Variants in RPH3A observed in about 807,000 individuals in gnomAD.
RPH3A encodes the protein rabphilin-3A.
Under a neutral mutation model 102.2 loss-of-function variants are expected in RPH3A, and 48 were observed. That is an observed-to-expected ratio of 0.47 (90% CI 0.37 to 0.60). RPH3A has a LOEUF of 0.60. RPH3A is among the 20% of genes least tolerant of loss of function. The pLI, the probability that RPH3A is intolerant of heterozygous loss-of-function variation, is 0.00. For synonymous variants in RPH3A, 310 were observed against 324.3 expected (o/e 0.96, Z 0.47); for missense variants, 781 against 910.1 (o/e 0.86, Z 1.83).
chr12:112,752,868 C>G (rs1056968050), intron 1 of RPH3A, among the ~76,000 whole-genome samples: 1 of 151,758 alleles, frequency 6.6e-6, no homozygotes, highest in Non-Finnish European at 1.5e-5. Context: ...CTCATCTCTC[C>G]CATTCTCTTA....
At chr12:112,886,066 G>A (rs2042998088) in intron 16 of RPH3A, among the ~76,000 whole-genome samples, 1 of 152,202 alleles carries the variant, frequency 6.6e-6, no homozygotes, top group African/African-American at 2.4e-5. Context: ...TCCAGTGTTA[G>A]ACAGTGCAGG....
At chr12:112,796,919 G>A (rs1438247532) in intron 2 of RPH3A, among the ~76,000 whole-genome samples, 1 of 152,120 alleles carries the variant, frequency 6.6e-6, no homozygotes, top group Non-Finnish European at 1.5e-5. Flanking sequence ...GTGTGGTGGT[G>A]TGTGCCTGCA....
intron 18 of RPH3A, among the ~76,000 whole-genome samples, chr12:112,890,402 G>A (rs1383292468): frequency 6.6e-6 from 1 of 152,210 alleles, no homozygotes; most frequent in Non-Finnish European, 1.5e-5. Context: ...TTTGAGCTGT[G>A]TGCATGGCAG....
In RPH3A at chr12:112,879,111, C is replaced by A; in HGVS notation, c.1172-8C>A. On this transcript the variant is annotated splice_region_variant and splice_polypyrimidine_tract_variant and intron_variant, in intron 13 of 21. Coordinates refer to ENST00000389385, the MANE Select transcript of RPH3A (RefSeq NM_001143854.2). ...CGTTATCTTGGTTCCTGTCTCTGCC[C>A]CCTTCAGCCACCCTGGGTGCCCTGG... The A allele has an allele frequency of 1.2e-6, 2 of 1,612,904 alleles. No homozygotes were observed. Among genetic ancestry groups the A allele is most frequent in the Non-Finnish European group, 8.5e-7 (1 of 1,179,144 alleles).
chr12:112,716,403 T>A (rs1009798205), intron 1 of RPH3A, among the ~76,000 whole-genome samples: 4 of 152,214 alleles, frequency 2.6e-5, no homozygotes, highest in Non-Finnish European at 5.9e-5. Flanking sequence ...TCCATTTGTA[T>A]GAGTTAGAGT....
intron 1 of RPH3A, among the ~76,000 whole-genome samples, chr12:112,654,402 C>T (rs1183333185): frequency 1.3e-5 from 2 of 151,982 alleles, no homozygotes; most frequent in African/African-American, 2.4e-5. Flanking sequence ...TTTTCTCTTG[C>T]CTTTTTTTTT....
chr12:112,591,924 GA>G (rs2039481936), intron 1 of RPH3A, among the ~76,000 whole-genome samples: 1 of 152,122 alleles, frequency 6.6e-6, no homozygotes, highest in Non-Finnish European at 1.5e-5. Context: ...TTGGTTCTAG[GA>G]CCCCCTTGGA....
At chr12:112,709,508 C>T (rs2040445648) in intron 1 of RPH3A, among the ~76,000 whole-genome samples, 1 of 151,694 alleles carries the variant, frequency 6.6e-6, no homozygotes, top group African/African-American at 2.4e-5. Context: ...CATGCTCACG[C>T]CACTGCACTC....
At chr12:112,721,934 G>A (rs1448251299) in intron 1 of RPH3A, among the ~76,000 whole-genome samples, 1 of 152,174 alleles carries the variant, frequency 6.6e-6, no homozygotes, top group East Asian at 1.9e-4. Context: ...TTATTAAGTA[G>A]AATAGAAATG....
At position 112,774,991 on chromosome 12, in the gene RPH3A, C is replaced by T. The variant is rs1294564799; in HGVS notation, c.-139-17152C>T. On this transcript the variant is annotated intron_variant, in intron 1 of 21. Coordinates refer to the RPH3A transcript ENST00000543106. ...TAAAAATGAAAAAAAGAAAATCCTT[C>T]AAAGAATATAAAATTGTCTATAAGA... 2.6e-5 allele frequency among the ~76,000 whole-genome samples: 4 copies of T among 151,248 alleles called. No individual in the cohort carries two copies. In the East Asian group the frequency reaches 7.7e-4, roughly 29 times the overall value.
chr12:112,876,591 G>C (rs771843702), intron 12 of RPH3A, 51 bp from the exon 13 acceptor site: 3 of 1,345,572 alleles, frequency 2.2e-6, no homozygotes, highest in Non-Finnish European at 3.0e-6. Context: ...AGGTGCTGCT[G>C]TTATGAAACA....
chr12:112,852,593 G>A (rs552627754), intron 5 of RPH3A, among the ~76,000 whole-genome samples: 8 of 152,050 alleles, frequency 5.3e-5, no homozygotes, highest in South Asian at 4.2e-4. Context: ...AAATTCCTAC[G>A]GAAGGAACTC....
chr12:112,627,036 A>G (rs1445078706), intron 1 of RPH3A, among the ~76,000 whole-genome samples: 2 of 112,562 alleles, frequency 1.8e-5, no homozygotes, highest in African/African-American at 6.7e-5. Flanking sequence ...AGGAAGGGGA[A>G]TATCACACTC....
chr12:112,667,473 A>AT (rs775102065), intron 1 of RPH3A, among the ~76,000 whole-genome samples: 250 of 151,528 alleles, frequency 1.6e-3, no homozygotes, highest in African/African-American at 4.6e-3. Context: ...GTAATTTGTG[A>AT]TTTTTTTTTC....
At chr12:112,889,314 C>A (rs892389953) in intron 17 of RPH3A, among the ~76,000 whole-genome samples, 3 of 152,246 alleles carry the variant, frequency 2.0e-5, no homozygotes, top group Non-Finnish European at 4.4e-5. Flanking sequence ...AGGCCCTTGC[C>A]TGTGTCATCA....
intron 10 of RPH3A, 185 bp from the exon 11 acceptor site, chr12:112,874,899 T>A (rs947893487): frequency 1.8e-6 from 1 of 563,754 alleles, no homozygotes; most frequent in African/African-American, 1.9e-5. Flanking sequence ...CTCACCAGAG[T>A]CTGAGTATTG....
At chr12:112,765,752 G>A (rs1282440195) in intron 1 of RPH3A, among the ~76,000 whole-genome samples, 1 of 152,146 alleles carries the variant, frequency 6.6e-6, no homozygotes, top group African/African-American at 2.4e-5. Context: ...TGGACCATAG[G>A]CCTTTGCAGG....
At chr12:112,610,698 C>A (rs2039633418) in intron 1 of RPH3A, among the ~76,000 whole-genome samples, 1 of 151,990 alleles carries the variant, frequency 6.6e-6, no homozygotes, top group African/African-American at 2.4e-5. Context: ...GTGGCATGAT[C>A]TTGGCTCACT....
At chr12:112,834,870 C>T (rs2042023269) in intron 3 of RPH3A, among the ~76,000 whole-genome samples, 1 of 120,606 alleles carries the variant, frequency 8.3e-6, no homozygotes, top group Non-Finnish European at 1.7e-5. Context: ...GTTACAAATA[C>T]TCTCTCCAAG....
Sources: gnomAD v4.1 joint callset for allele counts (sites outside exome capture counted in the v4.1 genomes callset) on GRCh38, gnomAD v4.1.1 for gene constraint, MANE v1.5 for transcripts, NCBI Gene and HGNC (gene_info 2026-07-23, HGNC 2026-07-21) for gene names.